The following SAMD12 variants were observed in gnomAD, a reference collection of about 807,000 sequenced individuals.
SAMD12 encodes sterile alpha motif domain-containing protein 12.
Under a neutral mutation model 15.0 loss-of-function variants are expected in SAMD12, and 9 were observed. That is an observed-to-expected ratio of 0.60 (90% CI 0.36 to 1.05). The LOEUF is 1.05. Among genes scored for constraint, SAMD12 ranks in the 50% least tolerant of loss-of-function variants. The pLI is 0.01. For synonymous variants in SAMD12, 86 were observed against 90.1 expected (o/e 0.96, Z 0.25); for missense variants, 230 against 234.2 (o/e 0.98, Z 0.12).
chr8:118,281,889 T>C (rs978146593), intron 4 of SAMD12, among the ~76,000 whole-genome samples: 1 of 152,220 alleles, frequency 6.6e-6, no homozygotes, highest in Non-Finnish European at 1.5e-5. Context: ...CAGTGGGTCA[T>C]TTCAAACTCT....
chr8:118,352,349 A>G (rs972246230), intron 4 of SAMD12, among the ~76,000 whole-genome samples: 10 of 152,198 alleles, frequency 6.6e-5, no homozygotes, highest in Admixed American at 5.9e-4. Flanking sequence ...GTAAGACAGT[A>G]AGAGGAAATT....
At chr8:118,237,920 A>C (rs1042682015) in intron 4 of SAMD12, among the ~76,000 whole-genome samples, 2 of 152,116 alleles carry the variant, frequency 1.3e-5, no homozygotes, top group South Asian at 4.1e-4. Context: ...GGCCTTTCTC[A>C]AACTGTATCA....
the SAMD12 span, among the ~76,000 whole-genome samples, chr8:118,146,524 C>T: frequency 0.017 from 2,623 of 152,254 alleles, 73 homozygotes; most frequent in African/African-American, 0.059. Context: ...TGTTTAGATA[C>T]TAGTGATCCA....
At chr8:118,544,696 T>C (rs1334756081) in intron 2 of SAMD12, among the ~76,000 whole-genome samples, 3 of 152,332 alleles carry the variant, frequency 2.0e-5, no homozygotes, top group South Asian at 2.1e-4. Context: ...TCTGGCTTCC[T>C]GCTTCCTTCT....
chr8:118,167,266 G>A, the SAMD12 span, among the ~76,000 whole-genome samples: 1 of 151,894 alleles, frequency 6.6e-6, no homozygotes, highest in African/African-American at 2.4e-5. Flanking sequence ...AGAGGTTAGT[G>A]GCTTTTGCAT....
chr8:118,389,708 C>T (rs1820164075), intron 3 of SAMD12, among the ~76,000 whole-genome samples: 1 of 150,786 alleles, frequency 6.6e-6, no homozygotes, highest in African/African-American at 2.5e-5. Flanking sequence ...GAGCAAGACT[C>T]CATTTCAAAA....
chr8:118,619,144 C>T (rs984316002), intron 1 of SAMD12, among the ~76,000 whole-genome samples: 8 of 152,214 alleles, frequency 5.3e-5, no homozygotes, highest in African/African-American at 1.7e-4. Context: ...TCCTACATAT[C>T]CCAAATGTGT....
intron 4 of SAMD12, among the ~76,000 whole-genome samples, chr8:118,257,282 A>G (rs1812968769): frequency 6.6e-6 from 1 of 152,132 alleles, no homozygotes; most frequent in Non-Finnish European, 1.5e-5. Context: ...TTCTGCCAGA[A>G]AGGTGGTTAA....
At position 118,378,632 on chromosome 8, in the gene SAMD12, T is replaced by C. The variant is rs1819506761; in HGVS notation, c.*785A>G. On this transcript the variant is annotated 3_prime_UTR_variant, in exon 4 of 4. Transcript: ENST00000314727. ...TCTCCAATATCGGTATGCATGCAATTACAATATTCTGCAGAATGACAAATA... is the reference window on the plus strand; with the variant it reads ...TCTCCAATATCGGTATGCATGCAATCACAATATTCTGCAGAATGACAAATA... 5.1e-6 allele frequency: 5 copies of C among 984,970 alleles called. No individual in the cohort carries two copies. In the South Asian group the frequency reaches 2.3e-4, roughly 46 times the overall value. The allele number at this position is 984,970 out of a possible 1,614,324, so 61.0% of individuals were successfully genotyped here.
intron 2 of SAMD12, among the ~76,000 whole-genome samples, chr8:118,532,821 TTC>T: frequency 6.6e-6 from 1 of 152,318 alleles, no homozygotes; most frequent in South Asian, 2.1e-4. Flanking sequence ...TATTTGATTC[TTC>T]TCTCTTTTTT....
At chr8:118,208,045 G>A (rs1003796536) in intron 4 of SAMD12, among the ~76,000 whole-genome samples, 1 of 151,886 alleles carries the variant, frequency 6.6e-6, no homozygotes, top group Non-Finnish European at 1.5e-5. Context: ...ATCACCTGAG[G>A]TCGGGAGTTC....
chr8:118,540,461 C>G (rs943681972), intron 2 of SAMD12, among the ~76,000 whole-genome samples: 1 of 152,124 alleles, frequency 6.6e-6, no homozygotes, highest in Non-Finnish European at 1.5e-5. Flanking sequence ...TCTAATATAT[C>G]AGCATGCAGT....
intron 3 of SAMD12, among the ~76,000 whole-genome samples, chr8:118,436,002 C>A (rs74706651): frequency 0.014 from 2,063 of 152,234 alleles, 38 homozygotes; most frequent in African/African-American, 0.047. Context: ...AGTTACATGT[C>A]AATGGAGAAA....
At chr8:118,366,177 G>A (rs961439573) in intron 4 of SAMD12, among the ~76,000 whole-genome samples, 4 of 152,116 alleles carry the variant, frequency 2.6e-5, no homozygotes, top group Non-Finnish European at 5.9e-5. Flanking sequence ...AATTTTATAT[G>A]TGTTTGATGA....
At chr8:118,566,629 A>G (rs1026593742) in intron 2 of SAMD12, among the ~76,000 whole-genome samples, 3 of 152,194 alleles carry the variant, frequency 2.0e-5, no homozygotes, top group Admixed American at 6.6e-5. Context: ...AGGATCCTCC[A>G]TAACACAGGT....
rs1486527877 is a variant in SAMD12 at position 118,378,658 on chromosome 8, C to T, written c.*759G>A. 5.1e-6 allele frequency: 5 copies of T among 984,776 alleles called. No homozygotes were observed. Among genetic ancestry groups the T allele is most frequent in the Non-Finnish European group, 6.0e-6 (5 of 829,490 alleles). The allele number at this position is 984,776 out of a possible 1,614,324, so 61.0% of individuals were successfully genotyped here. A position where few individuals can be genotyped will look rare whatever the true frequency, so the allele number is the denominator to read the frequency against. Reference sequence around the variant, plus strand: ...ACAATATTCTGCAGAATGACAAATACTCAAGGCTCTCAAAAACACATATTT... The same window carrying T: ...ACAATATTCTGCAGAATGACAAATATTCAAGGCTCTCAAAAACACATATTT... On this transcript the variant is annotated 3_prime_UTR_variant, in exon 4 of 4. Transcript: ENST00000314727.
chr8:118,593,772 G>A (rs182975023), intron 1 of SAMD12, among the ~76,000 whole-genome samples: 122 of 152,030 alleles, frequency 8.0e-4, no homozygotes, highest in South Asian at 1.2e-3. Context: ...AAATTACGTC[G>A]GAAAATTATT....
chr8:118,597,656 C>A (rs1827757036), intron 1 of SAMD12, among the ~76,000 whole-genome samples: 1 of 152,166 alleles, frequency 6.6e-6, no homozygotes. Flanking sequence ...TAAAATAAAC[C>A]AGAGTACACC....
At chr8:118,313,997 G>A (rs113749635) in intron 4 of SAMD12, among the ~76,000 whole-genome samples, 190 of 152,096 alleles carry the variant, frequency 1.2e-3, no homozygotes, top group African/African-American at 4.4e-3. Flanking sequence ...AGGTTCTTGA[G>A]GAGGTGATTT....
Sources: gnomAD v4.1 joint callset for allele counts (sites outside exome capture counted in the v4.1 genomes callset) on GRCh38, gnomAD v4.1.1 for gene constraint, MANE v1.5 for transcripts, NCBI Gene and HGNC (gene_info 2026-07-23, HGNC 2026-07-21) for gene names.